Variants in CASZ1 observed in about 807,000 individuals in gnomAD.
CASZ1 encodes zinc finger protein castor homolog 1.
In CASZ1, 28 loss-of-function variants were observed where a neutral mutation model predicts 135.2. The observed-to-expected ratio is 0.21, with a 90% confidence interval of 0.15 to 0.28. The LOEUF (loss-of-function observed/expected upper bound fraction) is 0.28, where lower values mean the gene tolerates loss of function less well. CASZ1 is among the 10% of genes least tolerant of loss of function. The pLI is 1.00. For missense variants in CASZ1, 2,161 were observed against 2,453.3 expected (o/e 0.88, Z 2.52); for synonymous variants, 1,068 against 1,073.4 (o/e 0.99, Z 0.10).
rs748386219 is a variant in CASZ1 at position 10,676,640 on chromosome 1, C to T, written c.17-11069G>A. Among the ~76,000 whole-genome samples the T allele has an allele frequency of 1.3e-5, 2 of 152,194 alleles. No individual in the cohort carries two copies. Among genetic ancestry groups the T allele is most frequent in the Non-Finnish European group, 2.9e-5 (2 of 68,030 alleles). On this transcript the variant is annotated intron_variant, in intron 4 of 20. Coordinates refer to ENST00000377022, the MANE Select transcript of CASZ1 (RefSeq NM_001079843.3). The surrounding 1 kb of genome is among the most constrained non-coding windows in gnomAD (Gnocchi z 4.5). ...GATCCTATTTCCACAGCAGGCCTCC[C>T]TCCACCTTGGTGCCTGCCCTCGACC...
intron 1 of CASZ1, among the ~76,000 whole-genome samples, chr1:10,778,080 CAT>C (rs1478922937): frequency 2.6e-5 from 4 of 152,068 alleles, no homozygotes; most frequent in African/African-American, 4.8e-5. Flanking sequence ...CACACAATCT[CAT>C]AGTCACACCA....
chr1:10,693,410 C>T (rs1007202753), intron 4 of CASZ1, among the ~76,000 whole-genome samples: 3 of 149,406 alleles, frequency 2.0e-5, no homozygotes, highest in Non-Finnish European at 4.4e-5. Flanking sequence ...CCCAACAGGA[C>T]GCTGCTTTCA....
chr1:10,743,265 C>T (rs908520147), intron 2 of CASZ1, among the ~76,000 whole-genome samples: 1 of 151,956 alleles, frequency 6.6e-6, no homozygotes, highest in Non-Finnish European at 1.5e-5. Context: ...TCCCTTGAGG[C>T]CCAAGAGGCC....
intron 4 of CASZ1, among the ~76,000 whole-genome samples, chr1:10,672,735 T>C (rs1299268944): frequency 2.0e-5 from 3 of 152,146 alleles, no homozygotes; most frequent in Non-Finnish European, 1.5e-5. Flanking sequence ...GCAGCTGCGC[T>C]GGGGAAACAA....
At chr1:10,690,626 C>T (rs538449156) in intron 4 of CASZ1, among the ~76,000 whole-genome samples, 4 of 152,274 alleles carry the variant, frequency 2.6e-5, no homozygotes, top group South Asian at 4.1e-4. Context: ...CCCGCCTCGA[C>T]GACAAGGCTG....
chr1:10,771,728 C>T (rs923846433), intron 1 of CASZ1, among the ~76,000 whole-genome samples: 1 of 152,144 alleles, frequency 6.6e-6, no homozygotes, highest in Non-Finnish European at 1.5e-5. Flanking sequence ...TCCAGATTTT[C>T]TCTGTCCCCT....
At position 10,653,480 on chromosome 1, in the gene CASZ1, G is replaced by A. The variant is rs200262732; in HGVS notation, c.2577C>T (p.Pro859=). 5.1e-4 allele frequency: 818 copies of A among 1,613,022 alleles called. 6 individuals are homozygous for A. The East Asian group carries it at 5.1e-3, about 10-fold the overall frequency. ...PVAAASVPAP[P]ASIMERISAS... ...CAGAGATCCTCTCCATGATGGAGGC[G>A]GGTGGTGCCGGGACAGAGGCGGCAG... Residue 859 remains proline (P), a synonymous_variant, in exon 11 of 21, where the codon CCC becomes CCT. Coordinates refer to ENST00000377022, the MANE Select transcript of CASZ1 (RefSeq NM_001079843.3).
rs960996685 is a variant in CASZ1 at position 10,711,372 on chromosome 1, T to G, written c.-76-5828A>C. On this transcript the variant is annotated intron_variant, in intron 2 of 20. Transcript: ENST00000377022. This position sits in a 1 kb window ranked among gnomAD's most constrained non-coding sequence, Gnocchi z 4.4. Reference sequence around the variant, plus strand: ...ATCCTTGTCCTAGACCTAGAGAACATTGGCAAACCAAAGACTCAACCCTCA... The same window carrying G: ...ATCCTTGTCCTAGACCTAGAGAACAGTGGCAAACCAAAGACTCAACCCTCA... Among the ~76,000 whole-genome samples, 1 of 152,144 alleles carries G rather than the reference T, an allele frequency of 6.6e-6. No homozygotes were observed. Among genetic ancestry groups the G allele is most frequent in the African/African-American group, 2.4e-5 (1 of 41,432 alleles).
chr1:10,718,040 G>T (rs1369205284), intron 2 of CASZ1, among the ~76,000 whole-genome samples: 2 of 152,256 alleles, frequency 1.3e-5, no homozygotes, highest in African/African-American at 4.8e-5. Flanking sequence ...ACACATCCCT[G>T]GGAGGTGGGT....
At position 10,655,664 on chromosome 1, in the gene CASZ1, G is replaced by A. The variant is rs981277180; in HGVS notation, c.1650C>T (p.His550=). 5 of 1,613,404 alleles carry A rather than the reference G, an allele frequency of 3.1e-6. No individual in the cohort carries two copies. The highest frequency in any genetic ancestry group is 2.7e-5 in the African/African-American group (2 of 74,936). ...CGGGAGGCACCTGCATGCAGTGATAGTGGGTGCTCTTCCCATTGAGGTGGC... is the reference window on the plus strand; with the variant it reads ...CGGGAGGCACCTGCATGCAGTGATAATGGGTGCTCTTCCCATTGAGGTGGC... ...HGCHLNGKST[H]YHCMQVGCNK... Residue 550 remains histidine, a synonymous_variant, in exon 9 of 21, where the codon CAC becomes CAT. Transcript: ENST00000377022.
At chr1:10,667,339 G>T (rs1295709460) in intron 4 of CASZ1, among the ~76,000 whole-genome samples, 1 of 152,172 alleles carries the variant, frequency 6.6e-6, no homozygotes, top group Admixed American at 6.5e-5. Context: ...GCCAGAGAAG[G>T]GTCTTCTCAG....
chr1:10,665,027 C>T, intron 5 of CASZ1, 56 bp downstream of exon 5: 1 of 1,475,348 alleles, frequency 6.8e-7, no homozygotes, highest in South Asian at 1.5e-5. Context: ...ACTGCCCCTT[C>T]CCCACTGGCC....
intron 19 of CASZ1, 60 bp downstream of exon 19, chr1:10,643,100 G>C: frequency 6.3e-7 from 1 of 1,597,396 alleles, no homozygotes; most frequent in African/African-American, 1.3e-5. Context: ...GAGAGTGAGC[G>C]TGGGACCATG....
At position 10,777,663 on chromosome 1, in the gene CASZ1, A is replaced by G. The variant is rs1052861144; in HGVS notation, c.-233-16806T>C. Among the ~76,000 whole-genome samples the G allele has an allele frequency of 8.6e-5, 13 of 151,870 alleles. No individual in the cohort carries two copies. The highest frequency in any genetic ancestry group is 1.8e-4 in the Non-Finnish European group (12 of 67,876). ...CCACTTACACTCATTTTCACACACA[A>G]CCACACACCATCTCACACACAATCT... On this transcript the variant is annotated intron_variant, in intron 1 of 20. Coordinates refer to ENST00000377022, the MANE Select transcript of CASZ1 (RefSeq NM_001079843.3). This position sits in a 1 kb window ranked among gnomAD's most constrained non-coding sequence, Gnocchi z 4.4.
chr1:10,729,693 G>A (rs1438438329), intron 2 of CASZ1, among the ~76,000 whole-genome samples: 1 of 152,266 alleles, frequency 6.6e-6, no homozygotes, highest in Non-Finnish European at 1.5e-5. Flanking sequence ...CGCTGACAGC[G>A]CAAAGGCAGC....
chr1:10,637,802 AAAGT>A lies in CASZ1; in HGVS notation c.*1136_*1139del, dbSNP rs1350522903. The A allele has an allele frequency of 6.7e-6, 1 of 148,334 alleles. No individual in the cohort carries two copies. The highest frequency in any genetic ancestry group is 2.6e-5 in the African/African-American group (1 of 39,182). 9.2% of individuals were successfully genotyped at this position (148,334 alleles called of 1,614,324 possible). ...GCACCAGCGAAGAAGCATCCCAAAC[AAAGT>A]AATAAAACAAACTGGAAAAAAAAAA... On this transcript the variant is annotated 3_prime_UTR_variant, in exon 21 of 21. Transcript: ENST00000377022.
intron 1 of CASZ1, among the ~76,000 whole-genome samples, chr1:10,779,473 G>A (rs1257864326): frequency 2.0e-5 from 3 of 151,972 alleles, no homozygotes; most frequent in Non-Finnish European, 4.4e-5. Flanking sequence ...GCGCCCTCTC[G>A]CCTGGCGCTG....
At chr1:10,793,126 G>A (rs1278517862) in intron 1 of CASZ1, among the ~76,000 whole-genome samples, 1 of 151,872 alleles carries the variant, frequency 6.6e-6, no homozygotes, top group Non-Finnish European at 1.5e-5. Context: ...TAAACATAAG[G>A]GGAGCAGATA....
intron 5 of CASZ1, 88 bp from the exon 6 acceptor site, chr1:10,660,624 G>A: frequency 1.8e-6 from 2 of 1,081,204 alleles, no homozygotes; most frequent in Non-Finnish European, 2.7e-6. Flanking sequence ...CCCATAGAGG[G>A]AGGGGGTCAG....
Sources: gnomAD v4.1 joint callset for allele counts (sites outside exome capture counted in the v4.1 genomes callset) on GRCh38, gnomAD v4.1.1 for gene constraint, Gnocchi (gnomAD v3.1) non-coding constraint, MANE v1.5 for transcripts, NCBI Gene and HGNC (gene_info 2026-07-23, HGNC 2026-07-21) for gene names.